Variants in SLC9A7 observed in about 807,000 individuals in gnomAD.
SLC9A7 encodes sodium/hydrogen exchanger 7.
Under a neutral mutation model 52.6 loss-of-function variants are expected in SLC9A7, and 19 were observed. The observed-to-expected ratio is 0.36, with a 90% CI of 0.25 to 0.53. The LOEUF is 0.53. Ranked by LOEUF, SLC9A7 falls within the 20% of genes least tolerant of loss-of-function variation. The probability of loss-of-function intolerance (pLI) is 0.91; values close to 1 mark genes in which losing one functional copy is unlikely to be tolerated. For missense variants in SLC9A7, 455 were observed against 597.9 expected (o/e 0.76, Z 2.49); for synonymous variants, 226 against 252.1 (o/e 0.90, Z 0.98).
intron 1 of SLC9A7, among the ~76,000 whole-genome samples, chrX:46,693,287 C>T (rs1224371330): frequency 3.6e-5 from 4 of 111,295 alleles, no homozygotes; most frequent in African/African-American, 6.5e-5. Flanking sequence ...ACCAGAAGAT[C>T]GCAAATTACC....
chrX:46,607,983 A>G (rs768588478), intron 16 of SLC9A7, among the ~76,000 whole-genome samples: 1 of 112,461 alleles, frequency 8.9e-6, no homozygotes, highest in Admixed American at 9.4e-5. Context: ...AGTGTCAAAT[A>G]CGCTGGGTAA....
Position 46,759,084 on chromosome X carries a change from G to A in SLC9A7, c.-55C>T. On this transcript the variant is annotated 5_prime_UTR_variant, in exon 1 of 17. Coordinates refer to ENST00000616978, the MANE Select transcript of SLC9A7 (RefSeq NM_001257291.2). The stretch of plus-strand genomic sequence containing the variant: ...GCGGGGACCAGCAGCCCGCGCCGTC[G>A]GCGGGTTCTGGCAGCACCGCGGACC... 1.3e-6 allele frequency: 1 copy of A among 783,205 alleles called. No homozygotes were observed. The highest frequency in any genetic ancestry group is 1.6e-6 in the Non-Finnish European group (1 of 628,784). 64.5% of individuals were successfully genotyped at this position (783,205 alleles called of 1,213,427 possible). A position where few individuals can be genotyped will look rare whatever the true frequency, so the allele number is the denominator to read the frequency against.
At chrX:46,711,514 G>T (rs12392696) in intron 1 of SLC9A7, among the ~76,000 whole-genome samples, 2,241 of 111,256 alleles carry the variant, frequency 0.02, 50 homozygotes, top group African/African-American at 0.069. Context: ...CTTCTACCTC[G>T]GAGGCAACTG....
intron 16 of SLC9A7, 151 bp from the exon 17 acceptor site, chrX:46,607,354 T>A: frequency 1.6e-6 from 1 of 614,144 alleles, no homozygotes; most frequent in Non-Finnish European, 2.5e-6. Context: ...TAACTGGATG[T>A]AAACTGTAGA....
intron 1 of SLC9A7, among the ~76,000 whole-genome samples, chrX:46,688,235 T>C (rs1944326527): frequency 8.9e-6 from 1 of 111,921 alleles, no homozygotes; most frequent in East Asian, 2.8e-4. Flanking sequence ...ATGTTTAATA[T>C]TTTAGAAACT....
intron 7 of SLC9A7, among the ~76,000 whole-genome samples, chrX:46,659,711 A>G (rs1266305456): frequency 1.6e-3 from 100 of 62,432 alleles, no homozygotes; most frequent in Non-Finnish European, 2.6e-3. Flanking sequence ...CCACTGCTCA[A>G]GGAAATAAAA....
intron 1 of SLC9A7, chrX:46,725,386 T>TCTTCC (rs2146966122): frequency 8.4e-7 from 1 of 1,197,164 alleles, no homozygotes; most frequent in East Asian, 3.0e-5. Context: ...GCTTCTTGGA[T>TCTTCC]TTCATTTGCA....
intron 11 of SLC9A7, chrX:46,647,192 G>C (rs1943507131): frequency 3.9e-6 from 1 of 257,475 alleles, no homozygotes; most frequent in African/African-American, 2.7e-5. Context: ...CTTATAGCCA[G>C]TATCTTGCAG....
At chrX:46,707,300 C>T (rs757875149) in intron 1 of SLC9A7, among the ~76,000 whole-genome samples, 1 of 112,224 alleles carries the variant, frequency 8.9e-6, no homozygotes, top group East Asian at 2.8e-4. Context: ...TCCGTTCTCA[C>T]AAAGGACATG....
chrX:46,634,805 C>A (rs748851207), intron 13 of SLC9A7, among the ~76,000 whole-genome samples: 2 of 111,852 alleles, frequency 1.8e-5, no homozygotes, highest in African/African-American at 6.5e-5. Context: ...CTGCTTTCAC[C>A]ACTGCCCTCA....
intron 13 of SLC9A7, among the ~76,000 whole-genome samples, chrX:46,635,297 A>G (rs1943300576): frequency 9.0e-6 from 1 of 111,290 alleles, no homozygotes; most frequent in South Asian, 3.8e-4. Context: ...CTTAACACTA[A>G]GCTCAGTTGT....
chrX:46,615,634 A>G (rs1569500267), intron 15 of SLC9A7, among the ~76,000 whole-genome samples: 1 of 109,508 alleles, frequency 9.1e-6, no homozygotes, highest in African/African-American at 3.4e-5. Flanking sequence ...CAAAAAAAGA[A>G]AAGAAATATG....
At position 46,600,098 on chromosome X, in the gene SLC9A7, C is replaced by T. The variant is rs1374012529; in HGVS notation, c.*6854G>A. The T allele has an allele frequency of 2.7e-5, 3 of 111,744 alleles. No homozygotes were observed. Among genetic ancestry groups the T allele is most frequent in the Non-Finnish European group, 5.6e-5 (3 of 53,170 alleles). 9.2% of individuals were successfully genotyped at this position (111,744 alleles called of 1,213,427 possible). On this transcript the variant is annotated 3_prime_UTR_variant, in exon 17 of 17. Coordinates refer to ENST00000616978, the MANE Select transcript of SLC9A7 (RefSeq NM_001257291.2). ...GAACGATCAATTTCAGTGGTAAATT[C>T]CCAATCCATAGACTTAACACCCACA...
At chrX:46,750,988 G>A (rs981298000) in intron 1 of SLC9A7, among the ~76,000 whole-genome samples, 3 of 112,167 alleles carry the variant, frequency 2.7e-5, no homozygotes, top group Admixed American at 9.5e-5. Context: ...AGATTGGCTA[G>A]CTGCTTTCCA....
intron 1 of SLC9A7, among the ~76,000 whole-genome samples, chrX:46,745,828 G>A (rs1461267375): frequency 9.6e-6 from 1 of 104,341 alleles, no homozygotes; most frequent in Non-Finnish European, 1.9e-5. Context: ...CTGGGTGACA[G>A]AGACCCTGTC....
intron 1 of SLC9A7, among the ~76,000 whole-genome samples, chrX:46,729,971 T>C (rs1945002479): frequency 8.9e-6 from 1 of 111,774 alleles, no homozygotes; most frequent in African/African-American, 3.3e-5. Flanking sequence ...TTTTTAACCC[T>C]TGCCACTCAA....
At chrX:46,732,142 C>G (rs1945052095) in intron 1 of SLC9A7, among the ~76,000 whole-genome samples, 1 of 111,452 alleles carries the variant, frequency 9.0e-6, no homozygotes, top group Admixed American at 9.5e-5. Context: ...ATAAGAATCA[C>G]TTGAACCCAG....
intron 1 of SLC9A7, among the ~76,000 whole-genome samples, chrX:46,703,343 C>T (rs1314695956): frequency 1.8e-5 from 2 of 112,187 alleles, no homozygotes; most frequent in Non-Finnish European, 3.8e-5. Flanking sequence ...AGTCTGATGT[C>T]AGGAAGGGTA....
intron 1 of SLC9A7, among the ~76,000 whole-genome samples, chrX:46,729,841 T>C (rs754463807): frequency 5.4e-5 from 6 of 112,122 alleles, no homozygotes; most frequent in African/African-American, 1.6e-4. Flanking sequence ...TTTAAAAAGA[T>C]GATTCCTGAA....
Sources: allele counts gnomAD v4.1 joint callset (sites outside exome capture counted in the v4.1 genomes callset), GRCh38; gene constraint gnomAD v4.1.1; transcripts MANE v1.5; gene names NCBI Gene and HGNC (gene_info 2026-07-23, HGNC 2026-07-21).